N4BP2L1: variants seen among roughly 807,000 people sequenced by gnomAD.
N4BP2L1 encodes NEDD4-binding protein 2-like 1.
Under a neutral mutation model 21.2 loss-of-function variants are expected in N4BP2L1, and 12 were observed. The observed-to-expected ratio is 0.57, with a 90% CI of 0.36 to 0.92. The LOEUF is 0.92. N4BP2L1 is among the 40% of genes least tolerant of loss of function. The pLI is 0.01. For synonymous variants in N4BP2L1, 104 were observed against 112.8 expected, an observed-to-expected ratio of 0.92 and a Z score of 0.49; for missense variants, 259 against 310.6, an observed-to-expected ratio of 0.83 and a Z score of 1.25.
chr13:32,419,609 C>A (rs1473801507), intron 1 of N4BP2L1, among the ~76,000 whole-genome samples: 1 of 151,846 alleles, frequency 6.6e-6, no homozygotes, highest in East Asian at 1.9e-4. Flanking sequence ...CCCTTTTGCT[C>A]AGCACTTCTC....
At chr13:32,405,976 C>G (rs1421546597) in intron 3 of N4BP2L1, among the ~76,000 whole-genome samples, 1 of 142,152 alleles carries the variant, frequency 7.0e-6, no homozygotes, top group African/African-American at 2.6e-5. Context: ...GATCTCAGCT[C>G]ACTGCAAGCT....
At position 32,402,456 on chromosome 13, in the gene N4BP2L1, A is replaced by ACAT. The variant is rs1336063399; in HGVS notation, c.*483_*485dup. ...GGAAAATCAGTATCATAAGAGTCGC[A>ACAT]CATCTCACATTTTTAGATACATAGA... On this transcript the variant is annotated 3_prime_UTR_variant, in exon 5 of 5. Coordinates refer to ENST00000380130, the MANE Select transcript of N4BP2L1 (RefSeq NM_052818.3). 9 of 969,438 alleles carry ACAT rather than the reference A, an allele frequency of 9.3e-6. No individual in the cohort carries two copies. Among genetic ancestry groups the ACAT allele is most frequent in the Non-Finnish European group, 1.1e-5 (9 of 815,772 alleles). 60.1% of individuals were successfully genotyped at this position (969,438 alleles called of 1,614,324 possible). A position where few individuals can be genotyped will look rare whatever the true frequency, so the allele number is the denominator to read the frequency against.
rs1295006055 is a variant in N4BP2L1, at chr13:32,401,020, T to C, written c.*1922A>G. The stretch of plus-strand genomic sequence containing the variant: ...GCCAGGAAACTATTCTTTAGAGCTC[T>C]AGAAAAGTTATGTAACCCAGAGCCA... On this transcript the variant is annotated 3_prime_UTR_variant, in exon 5 of 5. Coordinates refer to ENST00000380130, the MANE Select transcript of N4BP2L1 (RefSeq NM_052818.3). 6.6e-6 allele frequency: 1 copy of C among 152,150 alleles called. No individual in the cohort carries two copies. Among genetic ancestry groups the C allele is most frequent in the African/African-American group, 2.4e-5 (1 of 41,432 alleles). The allele number at this position is 152,150 out of a possible 1,614,324, so 9.4% of individuals were successfully genotyped here. A position where few individuals can be genotyped will look rare whatever the true frequency, so the allele number is the denominator to read the frequency against.
chr13:32,406,962 G>C, intron 3 of N4BP2L1: 1 of 412,388 alleles, frequency 2.4e-6, no homozygotes, highest in Non-Finnish European at 4.5e-6. Flanking sequence ...TGTATGCCTT[G>C]CCGTAGGAAA....
At chr13:32,410,932 T>A (rs1208847410) in intron 1 of N4BP2L1, among the ~76,000 whole-genome samples, 2 of 152,334 alleles carry the variant, frequency 1.3e-5, no homozygotes, top group South Asian at 2.1e-4. Context: ...AGTTTTGTTT[T>A]GGTTTTTGAA....
intron 1 of N4BP2L1, chr13:32,411,815 G>C: frequency 1.0e-6 from 1 of 970,144 alleles, no homozygotes; most frequent in African/African-American, 1.8e-5. Context: ...TATCTCTTCA[G>C]CCAGTCAGTC....
chr13:32,422,835 T>C (rs2074558193), intron 1 of N4BP2L1, among the ~76,000 whole-genome samples: 1 of 151,850 alleles, frequency 6.6e-6, no homozygotes, highest in Non-Finnish European at 1.5e-5. Flanking sequence ...TTGTGAAAAA[T>C]ACAAAAAGCT....
chr13:32,402,226 A>T lies in N4BP2L1; in HGVS notation c.*716T>A. On this transcript the variant is annotated 3_prime_UTR_variant, in exon 5 of 5. Transcript: ENST00000380130. ...AACAGCCAAAAGTTATTCAGGTTTA[A>T]TCCTGCTGAATAAAGTAGTAAAAAC... The T allele has an allele frequency of 1.1e-6, 1 of 934,370 alleles. No individual in the cohort carries two copies. 57.9% of individuals were successfully genotyped at this position (934,370 alleles called of 1,614,324 possible). A position where few individuals can be genotyped will look rare whatever the true frequency, so the allele number is the denominator to read the frequency against.
rs566264365 is a variant in N4BP2L1, at chr13:32,402,175, G to T, written c.*767C>A. ...AAAAGTTAGTGTTTTATGAAGGCAG[G>T]CTTATTTTATTTACACTATTAGCAC... On this transcript the variant is annotated 3_prime_UTR_variant, in exon 5 of 5. Coordinates refer to ENST00000380130, the MANE Select transcript of N4BP2L1 (RefSeq NM_052818.3). The T allele has an allele frequency of 5.1e-6, 5 of 984,440 alleles. No homozygotes were observed. The South Asian group carries it at 1.4e-4, about 28-fold the overall frequency. 61.0% of individuals were successfully genotyped at this position (984,440 alleles called of 1,614,324 possible).
intron 1 of N4BP2L1, among the ~76,000 whole-genome samples, chr13:32,412,782 G>T (rs2073931843): frequency 6.6e-6 from 1 of 152,122 alleles, no homozygotes; most frequent in Non-Finnish European, 1.5e-5. Context: ...AAGGCAGAGT[G>T]CCCTAAGCAA....
intron 1 of N4BP2L1, among the ~76,000 whole-genome samples, chr13:32,409,040 C>A (rs1051768375): frequency 1.3e-5 from 2 of 152,174 alleles, no homozygotes; most frequent in Non-Finnish European, 2.9e-5. Flanking sequence ...CAGTAAGGCA[C>A]TTTACAAAAG....
chr13:32,417,668 A>AT (rs2074226531), intron 1 of N4BP2L1, among the ~76,000 whole-genome samples: 2 of 152,200 alleles, frequency 1.3e-5, no homozygotes, highest in South Asian at 4.1e-4. Flanking sequence ...ACTGGAACTA[A>AT]TGGAAGGGCT....
chr13:32,402,982 C>T lies in N4BP2L1; in HGVS notation c.692G>A (p.Ser231Asn), dbSNP rs1337183620. The T allele has an allele frequency of 2.5e-6, 4 of 1,613,548 alleles. No individual in the cohort carries two copies. Among genetic ancestry groups the T allele is most frequent in the South Asian group, 1.1e-5 (1 of 90,990 alleles). Residue 231 changes from serine to asparagine, a missense_variant, in exon 5 of 5, where the codon AGC becomes AAC. This residue lies in a region of N4BP2L1 where 108 missense variants were observed against 107.8 expected (regional missense o/e 1.00). Transcript: ENST00000380130. ...ACAACCGCCCCTTCTGTGATAGGAG[C>T]TCTCATTTGTAAATCCACCGTGGGC... ...RRAHGGFTNE[S>N]SYHRRGGCHH...
In N4BP2L1 at chr13:32,427,361, C is replaced by T. The variant is rs532550428; in HGVS notation, c.179+543G>A. On this transcript the variant is annotated intron_variant, in intron 1 of 4. Coordinates refer to ENST00000380130, the MANE Select transcript of N4BP2L1 (RefSeq NM_052818.3). ...CACGGCCGCCCCGGGCCCCCACCCC[C>T]GGACCCCTCGTTTATGCGCTCGGAT... 3.9e-5 allele frequency among the ~76,000 whole-genome samples: 6 copies of T among 152,276 alleles called. No homozygotes were observed. In the South Asian group the frequency reaches 1.0e-3, roughly 26 times the overall value.
intron 1 of N4BP2L1, among the ~76,000 whole-genome samples, chr13:32,418,455 G>T (rs1011853158): frequency 6.6e-6 from 1 of 152,196 alleles, no homozygotes; most frequent in Admixed American, 6.5e-5. Context: ...TGCAGGGGTG[G>T]TGCCCTCATG....
chr13:32,415,351 A>G (rs1023634852), intron 1 of N4BP2L1, among the ~76,000 whole-genome samples: 3 of 152,232 alleles, frequency 2.0e-5, no homozygotes, highest in African/African-American at 7.2e-5. Flanking sequence ...TAGTTAACTA[A>G]CAGCTTTTGC....
chr13:32,408,659 T>A (rs1198989745), intron 1 of N4BP2L1, among the ~76,000 whole-genome samples: 1 of 152,144 alleles, frequency 6.6e-6, no homozygotes, highest in African/African-American at 2.4e-5. Context: ...CTGTAAAAAC[T>A]GAGGACAAAC....
At chr13:32,405,705 A>T (rs917269111) in intron 3 of N4BP2L1, among the ~76,000 whole-genome samples, 3 of 152,122 alleles carry the variant, frequency 2.0e-5, no homozygotes, top group Admixed American at 6.6e-5. Context: ...AAGCCCCACA[A>T]TCTGGGCATA....
At chr13:32,412,641 C>CA (rs777196869) in intron 1 of N4BP2L1, among the ~76,000 whole-genome samples, 2,210 of 100,946 alleles carry the variant, frequency 0.022, 33 homozygotes, top group African/African-American at 0.038. Context: ...TCAACTGTCT[C>CA]AAAAAAAAAA....
Sources: gnomAD v4.1 joint callset for allele counts (sites outside exome capture counted in the v4.1 genomes callset) on GRCh38, gnomAD v4.1.1 for gene constraint, gnomAD v4.1.1 regional missense constraint, MANE v1.5 for transcripts, NCBI Gene and HGNC (gene_info 2026-07-23, HGNC 2026-07-21) for gene names.